The following ZBBX variants were observed in gnomAD, a reference collection of about 807,000 sequenced individuals.
The protein encoded by ZBBX is zinc finger B-box domain-containing protein 1.
Under a neutral mutation model 108.5 loss-of-function variants are expected in ZBBX, and 101 were observed. The observed-to-expected ratio is 0.93, with a 90% confidence interval of 0.79 to 1.10. The LOEUF (loss-of-function observed/expected upper bound fraction) is 1.10. ZBBX is among the 50% of genes least tolerant of loss of function. The probability of loss-of-function intolerance (pLI) is 0.00; values close to 1 mark genes in which losing one functional copy is unlikely to be tolerated. For missense variants in ZBBX, 1,009 were observed against 941.4 expected (o/e 1.07, Z -0.94); for synonymous variants, 356 against 323.4 (o/e 1.10, Z -1.08).
At chr3:167,183,799 G>GATGGGCATC in the ZBBX span, among the ~76,000 whole-genome samples, 1 of 152,112 alleles carries the variant, frequency 6.6e-6, no homozygotes, top group African/African-American at 2.4e-5. Context: ...CAACCTTCAG[G>GATGGGCATC]ATGGGCATCA....
At chr3:167,300,677 T>C (rs1163275045) in intron 17 of ZBBX, among the ~76,000 whole-genome samples, 2 of 146,940 alleles carry the variant, frequency 1.4e-5, no homozygotes, top group Non-Finnish European at 3.0e-5. Flanking sequence ...TGGCGCGACC[T>C]CAGCTCACTA....
chr3:167,233,244 C>T, the ZBBX span, among the ~76,000 whole-genome samples: 2 of 151,824 alleles, frequency 1.3e-5, no homozygotes, highest in African/African-American at 4.8e-5. Context: ...GGAACTGAAC[C>T]AACTCTGGGC....
At chr3:167,369,121 T>C (rs1317424236) in intron 4 of ZBBX, among the ~76,000 whole-genome samples, 1 of 152,170 alleles carries the variant, frequency 6.6e-6, no homozygotes, top group African/African-American at 2.4e-5. Flanking sequence ...GTACGGGAGC[T>C]TCCTGTACAA....
At chr3:167,377,732 T>C (rs1747186876) in intron 2 of ZBBX, among the ~76,000 whole-genome samples, 1 of 152,116 alleles carries the variant, frequency 6.6e-6, no homozygotes, top group East Asian at 1.9e-4. Flanking sequence ...TAATACATGA[T>C]TTCTAGAATA....
intron 9 of ZBBX, among the ~76,000 whole-genome samples, chr3:167,343,618 G>A (rs1007469746): frequency 4.0e-5 from 6 of 151,878 alleles, no homozygotes; most frequent in African/African-American, 1.4e-4. Flanking sequence ...CCAAGCACAT[G>A]AAAAGATGTT....
chr3:167,368,462 C>G lies in ZBBX; in HGVS notation c.181G>C (p.Glu61Gln). The G allele has an allele frequency of 6.2e-7, 1 of 1,606,646 alleles. No individual in the cohort carries two copies. The highest frequency in any genetic ancestry group is 8.5e-7 in the Non-Finnish European group (1 of 1,174,084). Residue 61 changes from glutamate (E) to glutamine (Q), a missense_variant and splice_region_variant, in exon 5 of 22, where the codon GAG becomes CAG. Coordinates refer to ENST00000675490, the MANE Select transcript of ZBBX (RefSeq NM_001199201.2). ...STRNKEKEDRESSEYYWKSGK... is the reference protein window; with the variant it reads ...STRNKEKEDRQSSEYYWKSGK... ...AAATTCTCTAAGAGTTTCACTCACTCTCTATCTTCCTTTTCTTTGTTTCTT... is the reference window on the plus strand; with the variant it reads ...AAATTCTCTAAGAGTTTCACTCACTGTCTATCTTCCTTTTCTTTGTTTCTT...
intron 1 of ZBBX, among the ~76,000 whole-genome samples, chr3:167,407,396 C>T (rs571890780): frequency 6.6e-6 from 1 of 152,148 alleles, no homozygotes; most frequent in East Asian, 1.9e-4. Flanking sequence ...ATACTGTTTG[C>T]AAAAACTGAA....
intron 1 of ZBBX, among the ~76,000 whole-genome samples, chr3:167,396,622 C>T (rs1192133489): frequency 2.0e-5 from 3 of 151,920 alleles, no homozygotes; most frequent in East Asian, 1.9e-4. Context: ...ATGTGAAAAA[C>T]GTTTATGGTT....
At chr3:167,296,832 A>G (rs1052751254) in intron 18 of ZBBX, among the ~76,000 whole-genome samples, 4 of 152,018 alleles carry the variant, frequency 2.6e-5, no homozygotes, top group African/African-American at 9.7e-5. Context: ...TATAATCCCT[A>G]TCAAAAGCTC....
At chr3:167,399,594 A>G (rs1387930058) in intron 1 of ZBBX, 1 of 152,172 alleles carries the variant, frequency 6.6e-6, no homozygotes, top group Non-Finnish European at 1.5e-5. Flanking sequence ...GAAGGATGGG[A>G]ATTTTATGCC....
intron 1 of ZBBX, among the ~76,000 whole-genome samples, chr3:167,390,670 C>A (rs1748059950): frequency 1.3e-5 from 2 of 152,002 alleles, no homozygotes; most frequent in East Asian, 3.9e-4. Flanking sequence ...TTTCCTTGAG[C>A]AGTGGTTTGT....
chr3:167,183,340 C>T, the ZBBX span, among the ~76,000 whole-genome samples: 1 of 152,212 alleles, frequency 6.6e-6, no homozygotes, highest in African/African-American at 2.4e-5. Flanking sequence ...ACTCGGGTGT[C>T]CTCCAGCATA....
At chr3:167,313,483 A>G (rs565632252) in intron 16 of ZBBX, among the ~76,000 whole-genome samples, 3 of 151,882 alleles carry the variant, frequency 2.0e-5, no homozygotes, top group South Asian at 2.1e-4. Flanking sequence ...GGGTTTTGCT[A>G]TGTTGGCCAG....
chr3:167,380,887 C>CAT (rs1331646622), upstream of ZBBX, among the ~76,000 whole-genome samples: 1 of 151,654 alleles, frequency 6.6e-6, no homozygotes, highest in African/African-American at 2.4e-5. Flanking sequence ...CACACACACA[C>CAT]ACACACACAC....
Position 167,365,950 on chromosome 3 carries a change from C to G in ZBBX, c.209G>C (p.Gly70Ala). Residue 70 changes from glycine to alanine, a missense_variant, in exon 6 of 22, where the codon GGA becomes GCA. Physicochemically the swap from Gly to Ala is moderately conservative, Grantham distance 60. Transcript: ENST00000675490. ...TTGATTGACCAATTTGCCCACTTTT[C>G]CAGATTTCCAGTAATACTCGCTTGA... is the stretch of plus-strand genomic sequence containing the variant. ...RESSEYYWKS[G>A]KVGKLVNQSY... The G allele has an allele frequency of 6.2e-7, 1 of 1,607,976 alleles. No individual in the cohort carries two copies. The highest frequency in any genetic ancestry group is 8.5e-7 in the Non-Finnish European group (1 of 1,175,882).
chr3:167,367,178 G>C (rs1481122241), intron 5 of ZBBX, among the ~76,000 whole-genome samples: 1 of 151,762 alleles, frequency 6.6e-6, no homozygotes, highest in Non-Finnish European at 1.5e-5. Context: ...CCAGCAAACG[G>C]ACATGAAACA....
In ZBBX at chr3:167,282,494, A is replaced by G. The variant is rs369197546; in HGVS notation, c.1998T>C (p.Gly666=). The G allele has an allele frequency of 1.9e-6, 3 of 1,592,792 alleles. No homozygotes were observed. The highest frequency in any genetic ancestry group is 2.6e-6 in the Non-Finnish European group (3 of 1,173,064). Residue 666 remains glycine, a splice_region_variant and synonymous_variant, in exon 20 of 22, where the codon GGT becomes GGC. Transcript: ENST00000675490. ...PSSSRKQQKM[G]QKSQRPSTAN... ...CTGTTGAAGGTCTCTGTGATTTCTGACCTAAAATTAAAAGTAAAAAGTTTT... is the reference window on the plus strand; with the variant it reads ...CTGTTGAAGGTCTCTGTGATTTCTGGCCTAAAATTAAAAGTAAAAAGTTTT...
chr3:167,282,229 T>A lies in ZBBX; in HGVS notation c.2254+9A>T, dbSNP rs775631852. On this transcript the variant is annotated intron_variant, in intron 20 of 21. Transcript: ENST00000675490. Reference sequence around the variant, plus strand: ...GCATTATCTAAAGTGAAAAAAAAAATAGGATTACCTGCAAGAGATCTCAGC... The same window carrying A: ...GCATTATCTAAAGTGAAAAAAAAAAAAGGATTACCTGCAAGAGATCTCAGC... The A allele has an allele frequency of 3.1e-6, 5 of 1,588,416 alleles. No homozygotes were observed. The Admixed American group carries it at 5.4e-5, about 17-fold the overall frequency.
intron 6 of ZBBX, among the ~76,000 whole-genome samples, chr3:167,365,266 A>G (rs887810083): frequency 6.6e-6 from 1 of 151,878 alleles, no homozygotes; most frequent in Non-Finnish European, 1.5e-5. Context: ...GTGTAAGCTA[A>G]TACTTACAAA....
Sources: allele counts gnomAD v4.1 joint callset (sites outside exome capture counted in the v4.1 genomes callset), GRCh38; gene constraint gnomAD v4.1.1; transcripts MANE v1.5; gene names NCBI Gene and HGNC (gene_info 2026-07-23, HGNC 2026-07-21).